APLP2: variants seen among roughly 807,000 people sequenced by gnomAD.
APLP2 encodes the protein amyloid beta precursor like protein 2.
A neutral mutation model predicts 89.9 loss-of-function variants in APLP2; 53 were observed. The ratio of observed to expected loss-of-function variants is 0.59; its 90% confidence interval spans 0.47 to 0.74. The LOEUF (loss-of-function observed/expected upper bound fraction) is 0.74, where lower values mean the gene tolerates loss of function less well. Among genes scored for constraint, APLP2 ranks in the 30% least tolerant of loss-of-function variants. The pLI, the probability that APLP2 is intolerant of heterozygous loss-of-function variation, is 0.00. For synonymous variants in APLP2, 372 were observed against 348.6 expected, an observed-to-expected ratio of 1.07 and a Z score of -0.75; for missense variants, 973 against 975.9, an observed-to-expected ratio of 1.00 and a Z score of 0.04.
intron 1 of APLP2, among the ~76,000 whole-genome samples, chr11:130,083,031 T>C (rs1005057677): frequency 1.2e-4 from 14 of 121,648 alleles, no homozygotes; most frequent in South Asian, 8.2e-4. Flanking sequence ...CTTTTCTTTT[T>C]TTTTTTTTTT....
intron 3 of APLP2, among the ~76,000 whole-genome samples, chr11:130,118,055 C>A (rs900352040): frequency 7.0e-6 from 1 of 142,352 alleles, no homozygotes; most frequent in Admixed American, 7.1e-5. Flanking sequence ...CCAGCCTGGG[C>A]AGCAGAGCGA....
At chr11:130,119,528 A>G (rs1005949847) in intron 3 of APLP2, among the ~76,000 whole-genome samples, 1 of 152,210 alleles carries the variant, frequency 6.6e-6, no homozygotes, top group Non-Finnish European at 1.5e-5. Context: ...TCCACCTTCT[A>G]TAGGCCCACT....
chr11:130,142,013 T>C lies in APLP2; in HGVS notation c.2093T>C (p.Val698Ala). The C allele has an allele frequency of 6.2e-7, 1 of 1,614,002 alleles. No individual in the cohort carries two copies. Among genetic ancestry groups the C allele is most frequent in the South Asian group, 1.1e-5 (1 of 91,042 alleles). Reference sequence around the variant, plus strand: ...GCAGTGGCCATTGCCACGGTCATCGTCATCAGCCTGGTGATGCTGAGGAAG... The same window carrying C: ...GCAGTGGCCATTGCCACGGTCATCGCCATCAGCCTGGTGATGCTGAGGAAG... ...VIAVAIATVIVISLVMLRKRQ... is the reference protein window; with the variant it reads ...VIAVAIATVIAISLVMLRKRQ... The change falls in exon 16 of 17, where the codon GTC becomes GCC. Residue 698 changes from valine (V) to alanine (A), a missense_variant. Physicochemically the swap from Val to Ala is moderately conservative, Grantham distance 64. Transcript: ENST00000338167.
intron 7 of APLP2, among the ~76,000 whole-genome samples, chr11:130,126,419 C>A (rs537781115): frequency 1.9e-4 from 29 of 152,330 alleles, no homozygotes; most frequent in African/African-American, 6.7e-4. Context: ...GAAGAAACCA[C>A]CTCTTTTTCA....
chr11:130,100,855 G>A (rs2135681953), intron 1 of APLP2, among the ~76,000 whole-genome samples: 1 of 152,212 alleles, frequency 6.6e-6, no homozygotes, highest in Admixed American at 6.5e-5. Context: ...AAAATCAAAA[G>A]ACCAAGAATT....
Position 130,069,980 on chromosome 11 carries a change from GGCGGCCACCGGGACC to G in APLP2, c.10_24del (p.Thr4_Ala8del), listed in dbSNP as rs1940539212. On this transcript the variant is annotated inframe_deletion, in exon 1 of 17. Transcript: ENST00000338167. The stretch of plus-strand genomic sequence containing the variant: ...GCGCTAGAGCGACCCGGCGAGGGAT[GGCGGCCACCGGGACC>G]GCGGCCGCCGCAGCCACGGGCAGGC... 1 of 1,504,538 alleles carries G rather than the reference GGCGGCCACCGGGACC, an allele frequency of 6.6e-7. No individual in the cohort carries two copies. Among genetic ancestry groups the G allele is most frequent in the Admixed American group, 2.1e-5 (1 of 48,370 alleles). The allele number at this position is 1,504,538 out of a possible 1,614,324, so 93.2% of individuals were successfully genotyped here. A position where few individuals can be genotyped will look rare whatever the true frequency, so the allele number is the denominator to read the frequency against.
At chr11:130,094,132 C>T (rs548425118) in intron 1 of APLP2, among the ~76,000 whole-genome samples, 195 of 148,988 alleles carry the variant, frequency 1.3e-3, no homozygotes, top group African/African-American at 4.0e-3. Context: ...TGGCTCACCA[C>T]AACTTCTGCC....
At chr11:130,115,917 G>A (rs960753217) in intron 3 of APLP2, among the ~76,000 whole-genome samples, 2 of 151,994 alleles carry the variant, frequency 1.3e-5, no homozygotes, top group Non-Finnish European at 2.9e-5. Flanking sequence ...TGGGGGAAGG[G>A]GACAAAAACA....
intron 1 of APLP2, among the ~76,000 whole-genome samples, chr11:130,078,955 T>G (rs1014506908): frequency 1.3e-5 from 2 of 152,166 alleles, no homozygotes; most frequent in South Asian, 4.1e-4. Flanking sequence ...CACATAAATT[T>G]GCCACATTTT....
At position 130,123,829 on chromosome 11, in the gene APLP2, C is replaced by G; in HGVS notation, c.1090+50C>G. The G allele has an allele frequency of 6.3e-7, 1 of 1,590,014 alleles. No individual in the cohort carries two copies. Among genetic ancestry groups the G allele is most frequent in the Non-Finnish European group, 8.6e-7 (1 of 1,164,994 alleles). On this transcript the variant is annotated intron_variant, in intron 7 of 16. Transcript: ENST00000338167. The surrounding 1 kb of genome is among the most constrained non-coding windows in gnomAD (Gnocchi z 4.0). ...CGTGCGGCAGCACCGTCCTGTCTGGCGTCCGTCTCCCTGCCGTCTTCGTGG... is the reference window on the plus strand; with the variant it reads ...CGTGCGGCAGCACCGTCCTGTCTGGGGTCCGTCTCCCTGCCGTCTTCGTGG...
intron 1 of APLP2, chr11:130,070,703 T>G (rs1940845168): frequency 6.8e-7 from 1 of 1,477,542 alleles, no homozygotes; most frequent in Admixed American, 2.3e-5. Context: ...ATTTTTTAAG[T>G]GGCGCTGTTT....
intron 11 of APLP2, 91 bp downstream of exon 11, chr11:130,130,257 T>A (rs1282164772): frequency 2.0e-6 from 3 of 1,525,992 alleles, no homozygotes; most frequent in Non-Finnish European, 2.7e-6. Context: ...CACTGCTAGT[T>A]GCATTTGCTA....
At chr11:130,106,928 C>A (rs1947864213) in intron 1 of APLP2, among the ~76,000 whole-genome samples, 1 of 152,208 alleles carries the variant, frequency 6.6e-6, no homozygotes, top group Admixed American at 6.5e-5. Flanking sequence ...ACCTCGTGAT[C>A]TGCCTGCCTT....
intron 3 of APLP2, among the ~76,000 whole-genome samples, chr11:130,112,011 C>G (rs969090354): frequency 2.0e-5 from 3 of 152,142 alleles, no homozygotes; most frequent in Non-Finnish European, 4.4e-5. Context: ...CTGAGTGGGA[C>G]CTGGGAGACT....
chr11:130,080,217 A>G (rs1395471529), intron 1 of APLP2, among the ~76,000 whole-genome samples: 1 of 152,028 alleles, frequency 6.6e-6, no homozygotes, highest in East Asian at 1.9e-4. Flanking sequence ...CTTTATTACT[A>G]TTATAATTTT....
chr11:130,089,544 G>A (rs1483557949), intron 1 of APLP2, among the ~76,000 whole-genome samples: 1 of 152,198 alleles, frequency 6.6e-6, no homozygotes, highest in Non-Finnish European at 1.5e-5. Context: ...TCTGGATCCT[G>A]TCTCAGAGTA....
intron 1 of APLP2, among the ~76,000 whole-genome samples, chr11:130,074,416 A>G (rs1279401995): frequency 2.6e-5 from 4 of 152,106 alleles, no homozygotes; most frequent in Non-Finnish European, 5.9e-5. Context: ...GGGTTTCACC[A>G]TATTGGCCAG....
rs144823565 is a variant in APLP2 at position 130,130,045 on chromosome 11, G to A, written c.1463G>A (p.Arg488His). The A allele has an allele frequency of 1.1e-4, 179 of 1,613,866 alleles. No individual in the cohort carries two copies. The highest frequency in any genetic ancestry group is 5.5e-4 in the African/African-American group (41 of 75,010). The change falls in exon 11 of 17, where the codon CGC (arginine) becomes CAC (histidine). Residue 488 changes from arginine (R) to histidine (H), a missense_variant. Coordinates refer to ENST00000338167, the MANE Select transcript of APLP2 (RefSeq NM_001142276.2). The stretch of plus-strand genomic sequence containing the variant: ...AACTGTTCTCTCTTGCAGCCTCATC[G>A]CATTCTCCAGGCCTTACGGCGTTAT... ...ALQSDPPRPHRILQALRRYVR... is the reference protein window; with the variant it reads ...ALQSDPPRPHHILQALRRYVR...
chr11:130,091,830 C>A (rs1945311909), intron 1 of APLP2, among the ~76,000 whole-genome samples: 1 of 148,976 alleles, frequency 6.7e-6, no homozygotes, highest in Admixed American at 6.6e-5. Flanking sequence ...GACCCCCCCC[C>A]ACCTCCCTCC....
Sources: allele counts gnomAD v4.1 joint callset (sites outside exome capture counted in the v4.1 genomes callset), GRCh38; gene constraint gnomAD v4.1.1; non-coding constraint Gnocchi (gnomAD v3.1); transcripts MANE v1.5; gene names NCBI Gene and HGNC (gene_info 2026-07-23, HGNC 2026-07-21).